The following GALNTL5 variants were observed in gnomAD, a reference collection of about 807,000 sequenced individuals.
The protein encoded by GALNTL5 is inactive polypeptide N-acetylgalactosaminyltransferase-like protein 5.
A neutral mutation model predicts 51.0 loss-of-function variants in GALNTL5; 44 were observed. That is an observed-to-expected ratio of 0.86 (90% confidence interval 0.68 to 1.11). The LOEUF (loss-of-function observed/expected upper bound fraction) is 1.11, where lower values mean the gene tolerates loss of function less well. Ranked by LOEUF, GALNTL5 falls within the 50% of genes least tolerant of loss-of-function variation. The pLI, the probability that GALNTL5 is intolerant of heterozygous loss-of-function variation, is 0.00. For missense variants in GALNTL5, 528 were observed against 531.8 expected (o/e 0.99, Z 0.07); for synonymous variants, 192 against 182.8 (o/e 1.05, Z -0.41).
chr7:151,999,199 A>C (rs1399335275), intron 5 of GALNTL5, among the ~76,000 whole-genome samples: 1 of 152,208 alleles, frequency 6.6e-6, no homozygotes, highest in Non-Finnish European at 1.5e-5. Context: ...TGGATGTGTC[A>C]GTGCTTCCTT....
At chr7:151,979,753 G>A (rs955586490) in intron 3 of GALNTL5, among the ~76,000 whole-genome samples, 15 of 151,908 alleles carry the variant, frequency 9.9e-5, no homozygotes, top group African/African-American at 3.4e-4. Context: ...CACTGCACCT[G>A]GCCAGGAAAG....
At chr7:152,008,046 C>G (rs548214235) in intron 7 of GALNTL5, 102 bp downstream of exon 7, 1 of 696,736 alleles carries the variant, frequency 1.4e-6, no homozygotes, top group East Asian at 2.6e-5. Flanking sequence ...CATGAACATC[C>G]AGTACCATTC....
intron 4 of GALNTL5, 58 bp from the exon 5 acceptor site, chr7:151,987,101 C>T: frequency 2.1e-6 from 3 of 1,407,552 alleles, no homozygotes; most frequent in East Asian, 4.8e-5. Flanking sequence ...TGATGATACA[C>T]TGTTTCAATT....
In GALNTL5 at chr7:151,983,092, A is replaced by T. The variant is rs766440773; in HGVS notation, c.475A>T (p.Asn159Tyr). ...GTTTCAGACCATGTCCAGTGTCACG[A>T]ACCTCACGCCACACTATTTTCTTGA... Reference protein sequence around the residue: ...ALFQTMSSVTNLTPHYFLEEI... With the variant: ...ALFQTMSSVTYLTPHYFLEEI... Residue 159 changes from asparagine (N) to tyrosine (Y), a missense_variant, in exon 4 of 9, where the codon AAC becomes TAC. Coordinates refer to ENST00000392800, the MANE Select transcript of GALNTL5 (RefSeq NM_145292.4). 1 of 1,614,222 alleles carries T rather than the reference A, an allele frequency of 6.2e-7. No individual in the cohort carries two copies. The highest frequency in any genetic ancestry group is 1.7e-5 in the Admixed American group (1 of 60,022).
At chr7:151,968,273 T>C (rs1458985160) in intron 2 of GALNTL5, among the ~76,000 whole-genome samples, 1 of 152,044 alleles carries the variant, frequency 6.6e-6, no homozygotes, top group Non-Finnish European at 1.5e-5. Flanking sequence ...TACTCCAGCC[T>C]GGGCAACAGA....
intron 4 of GALNTL5, among the ~76,000 whole-genome samples, chr7:151,984,608 C>G (rs1296466570): frequency 6.6e-6 from 1 of 152,146 alleles, no homozygotes; most frequent in Non-Finnish European, 1.5e-5. Context: ...TCACCAATGT[C>G]TGAGGGCACA....
At chr7:151,958,626 C>G (rs2080954684) in intron 1 of GALNTL5, among the ~76,000 whole-genome samples, 2 of 142,688 alleles carry the variant, frequency 1.4e-5, no homozygotes, top group Middle Eastern at 3.4e-3. Context: ...CCTGCTCCAG[C>G]CCACTGGTGC....
At chr7:151,973,028 C>A (rs1236751517) in intron 3 of GALNTL5, among the ~76,000 whole-genome samples, 1 of 152,048 alleles carries the variant, frequency 6.6e-6, no homozygotes, top group Non-Finnish European at 1.5e-5. Context: ...TCAACACCAG[C>A]CCTTGAAAGC....
intron 1 of GALNTL5, among the ~76,000 whole-genome samples, chr7:151,958,513 C>T (rs1258787627): frequency 2.0e-5 from 3 of 152,110 alleles, no homozygotes; most frequent in Non-Finnish European, 2.9e-5. Context: ...CATAGTGAAA[C>T]GGGGTTGGGG....
chr7:151,958,090 T>C (rs565191463), intron 1 of GALNTL5, among the ~76,000 whole-genome samples: 1 of 152,324 alleles, frequency 6.6e-6, no homozygotes, highest in East Asian at 1.9e-4. Flanking sequence ...TAGAGAATAA[T>C]TTATTTTTCA....
chr7:152,015,255 C>CT (rs1420910697), intron 8 of GALNTL5, among the ~76,000 whole-genome samples: 3 of 151,936 alleles, frequency 2.0e-5, no homozygotes, highest in Non-Finnish European at 4.4e-5. Flanking sequence ...CATGAGCAGT[C>CT]TTTTTTATGG....
chr7:151,985,298 G>A (rs1399894115), intron 4 of GALNTL5, among the ~76,000 whole-genome samples: 2 of 152,134 alleles, frequency 1.3e-5, no homozygotes, highest in African/African-American at 2.4e-5. Context: ...AGAGACTAGG[G>A]GGTCGCTGCT....
At position 152,019,724 on chromosome 7, in the gene GALNTL5, C is replaced by G; in HGVS notation, c.1255C>G (p.Arg419Gly). The G allele has an allele frequency of 6.2e-7, 1 of 1,613,630 alleles. No homozygotes were observed. The highest frequency in any genetic ancestry group is 1.1e-5 in the South Asian group (1 of 91,076). The change falls in exon 9 of 9, where the codon CGA (arginine) becomes GGA (glycine). Residue 419 changes from arginine (R) to glycine (G), a missense_variant. Coordinates refer to ENST00000392800, the MANE Select transcript of GALNTL5 (RefSeq NM_145292.4). ...TCGCGAGCGTGTTGAGTTAAGGAAACGACTGGGTTGCAAGTCATTTCAGTG... is the reference window on the plus strand; with the variant it reads ...TCGCGAGCGTGTTGAGTTAAGGAAAGGACTGGGTTGCAAGTCATTTCAGTG... ...NIRERVELRK[R>G]LGCKSFQWYL...
chr7:151,979,426 TA>T (rs1235952843), intron 3 of GALNTL5, among the ~76,000 whole-genome samples: 8 of 151,242 alleles, frequency 5.3e-5, no homozygotes, highest in African/African-American at 1.9e-4. Flanking sequence ...CTTTTACTCT[TA>T]AAAACAGCTT....
rs55804628 is a variant in GALNTL5 at position 151,971,738 on chromosome 7, G to A, written c.368+673G>A. 4.4e-3 allele frequency among the ~76,000 whole-genome samples: 669 copies of A among 152,222 alleles called. 4 individuals carry two copies. The highest frequency in any genetic ancestry group is 0.015 in the African/African-American group (615 of 41,554). ...TGGTGGAAGGTGATTGGATCATGGG[G>A]GTGGTTTCCCTCATGCTGTTCTCAT... On this transcript the variant is annotated intron_variant, in intron 3 of 8. Transcript: ENST00000392800.
At chr7:152,018,776 G>A (rs138268710) in intron 8 of GALNTL5, among the ~76,000 whole-genome samples, 1 of 152,156 alleles carries the variant, frequency 6.6e-6, no homozygotes, top group African/African-American at 2.4e-5. Context: ...GTGGCAGAAT[G>A]CGATGGCAAA....
At chr7:151,982,742 T>C in intron 3 of GALNTL5, 1 of 664,100 alleles carries the variant, frequency 1.5e-6, no homozygotes, top group African/African-American at 1.8e-5. Context: ...ATCAACACAG[T>C]CTCAGGAAAG....
intron 5 of GALNTL5, among the ~76,000 whole-genome samples, chr7:152,000,938 C>A (rs1418138714): frequency 1.6e-5 from 2 of 128,580 alleles, no homozygotes; most frequent in African/African-American, 6.4e-5. Context: ...CAGAGTCTTG[C>A]TCTGTCACCC....
chr7:152,019,130 C>T (rs2081856099), intron 8 of GALNTL5, among the ~76,000 whole-genome samples: 1 of 152,116 alleles, frequency 6.6e-6, no homozygotes, highest in South Asian at 2.1e-4. Context: ...TTTGCATGTC[C>T]CTATTAGACT....
Sources: allele counts gnomAD v4.1 joint callset (sites outside exome capture counted in the v4.1 genomes callset), GRCh38; gene constraint gnomAD v4.1.1; transcripts MANE v1.5; gene names NCBI Gene and HGNC (gene_info 2026-07-23, HGNC 2026-07-21).